MICAL1: variants seen among roughly 807,000 people sequenced by gnomAD.
MICAL1 encodes [F-actin]-monooxygenase MICAL1.
In MICAL1, 95 loss-of-function variants were observed where a neutral mutation model predicts 131.8. That is an observed-to-expected ratio of 0.72 (90% confidence interval 0.61 to 0.86). MICAL1 has a LOEUF of 0.86. Among genes scored for constraint, MICAL1 ranks in the 40% least tolerant of loss-of-function variants. The probability of loss-of-function intolerance (pLI) is 0.00; values close to 1 mark genes in which losing one functional copy is unlikely to be tolerated. For missense variants in MICAL1, 1,292 were observed against 1,380.6 expected, an observed-to-expected ratio of 0.94 and a Z score of 1.02; for synonymous variants, 546 against 554.2, an observed-to-expected ratio of 0.99 and a Z score of 0.21.
Position 109,452,552 on chromosome 6 carries a change from T to A in MICAL1, c.635A>T (p.Asp212Val). The A allele has an allele frequency of 6.2e-7, 1 of 1,613,590 alleles. No individual in the cohort carries two copies. Among genetic ancestry groups the A allele is most frequent in the Non-Finnish European group, 8.5e-7 (1 of 1,179,922 alleles). The change falls in exon 5 of 25, where the codon GAC (aspartate) becomes GTC (valine). Residue 212 changes from aspartate to valine, a missense_variant. Coordinates refer to ENST00000358807, the MANE Select transcript of MICAL1 (RefSeq NM_022765.4). ...PPAQLANYEF[D>V]VLISAAGGKF... Reference sequence around the variant, plus strand: ...ACCTCCTGCAGCCGAGATAAGGACGTCAAATTCATAGTTGGCCAGCTGGGC... The same window carrying A: ...ACCTCCTGCAGCCGAGATAAGGACGACAAATTCATAGTTGGCCAGCTGGGC...
chr6:109,448,696 G>C (rs372148556), intron 12 of MICAL1, 36 bp downstream of exon 12: 2 of 1,612,406 alleles, frequency 1.2e-6, no homozygotes, highest in African/African-American at 1.3e-5. Flanking sequence ...CCTACACTGA[G>C]ATCATGAGAG....
intron 17 of MICAL1, 58 bp from the exon 18 acceptor site, chr6:109,446,830 C>T (rs376444438): frequency 2.9e-5 from 43 of 1,498,284 alleles, no homozygotes; most frequent in East Asian, 1.1e-4. Context: ...TGCCCAGACA[C>T]GCAACAGTTT....
At chr6:109,453,546 C>G in intron 3 of MICAL1, 92 bp downstream of exon 3, 1 of 1,518,112 alleles carries the variant, frequency 6.6e-7, no homozygotes, top group Admixed American at 2.0e-5. Context: ...GGATCTTGTC[C>G]ACTTCGACAT....
upstream of MICAL1, chr6:109,456,096 G>A: frequency 1.1e-6 from 1 of 889,688 alleles, no homozygotes; most frequent in Non-Finnish European, 1.3e-6. Context: ...GGAGCTCGAG[G>A]GTCAGGGCGC....
rs368929295 is a variant in MICAL1, at chr6:109,448,840, T to C, written c.1556A>G (p.Gln519Arg). 1 of 1,613,984 alleles carries C rather than the reference T, an allele frequency of 6.2e-7. No individual in the cohort carries two copies. The highest frequency in any genetic ancestry group is 1.3e-5 in the African/African-American group (1 of 75,032). The change falls in exon 12 of 25, where the codon CAG becomes CGG. Residue 519 changes from glutamine to arginine, a missense_variant. Transcript: ENST00000358807. ...GTQEELLRWC[Q>R]EQTAGYPGVH... ...TCCCGGGTACCCAGCTGTCTGCTCC[T>C]GGCACCAGCGTAGCAGCTCCTCCTG... is the stretch of plus-strand genomic sequence containing the variant.
chr6:109,447,556 C>T (rs986158474), intron 15 of MICAL1, 116 bp from the exon 16 acceptor site: 1 of 1,519,178 alleles, frequency 6.6e-7, no homozygotes, highest in South Asian at 1.1e-5. Context: ...GGCAGGGAGG[C>T]TGGATGGGGG....
chr6:109,457,953 G>A (rs1162815264), upstream of MICAL1, among the ~76,000 whole-genome samples: 1 of 152,156 alleles, frequency 6.6e-6, no homozygotes, highest in African/African-American at 2.4e-5. Context: ...AGCCTAGTGT[G>A]ACCTTGGATG....
chr6:109,449,826 C>T (rs2115333005), intron 9 of MICAL1, 43 bp from the exon 10 acceptor site: 2 of 1,587,206 alleles, frequency 1.3e-6, no homozygotes, highest in South Asian at 2.3e-5. Flanking sequence ...AATGGGAGGG[C>T]ACCTGTCAGC....
intron 1 of MICAL1, among the ~76,000 whole-genome samples, chr6:109,462,250 C>T (rs1246274360): frequency 6.6e-6 from 1 of 152,192 alleles, no homozygotes; most frequent in Non-Finnish European, 1.5e-5. Flanking sequence ...AGGGAGGCCT[C>T]AGAAGAAACC....
chr6:109,450,584 A>G (rs1775499247), intron 7 of MICAL1, 27 bp from the exon 8 acceptor site: 1 of 1,582,776 alleles, frequency 6.3e-7, no homozygotes, highest in South Asian at 1.1e-5. Flanking sequence ...GCAGAACCTC[A>G]GAGACCTCTG....
Position 109,447,939 on chromosome 6 carries a change from C to T in MICAL1, c.1880G>A (p.Gly627Glu). The T allele has an allele frequency of 6.2e-7, 1 of 1,611,780 alleles. No individual in the cohort carries two copies. The change falls in exon 14 of 25, where the codon GGG (glycine) becomes GAG (glutamate). Residue 627 changes from glycine to glutamate, a missense_variant. Transcript: ENST00000358807. The stretch of plus-strand genomic sequence containing the variant: ...AAGGAATAATACAGCACTGGAGGTC[C>T]CTGGGGAGGCCTGGCTGACAGGGCC... ...SPGPVSQASP[G>E]TSSAVLFLSK...
chr6:109,454,245 G>A lies in MICAL1; in HGVS notation c.-43-6C>T. 2.6e-6 allele frequency: 4 copies of A among 1,549,202 alleles called. No homozygotes were observed. Among genetic ancestry groups the A allele is most frequent in the Non-Finnish European group, 3.5e-6 (4 of 1,147,182 alleles). On this transcript the variant is annotated splice_region_variant and splice_polypyrimidine_tract_variant and intron_variant, in intron 1 of 24. Coordinates refer to ENST00000358807, the MANE Select transcript of MICAL1 (RefSeq NM_022765.4). ...AGCTGGGCAGAGATGAGTGGCTGGAGAGGTGGAAAAAGAAGGGGAAGAGGC... is the reference window on the plus strand; with the variant it reads ...AGCTGGGCAGAGATGAGTGGCTGGAAAGGTGGAAAAAGAAGGGGAAGAGGC...
intron 19 of MICAL1, 83 bp downstream of exon 19, chr6:109,446,053 G>A: frequency 6.7e-7 from 1 of 1,493,732 alleles, no homozygotes; most frequent in Non-Finnish European, 8.9e-7. Context: ...ACTTCCCTCT[G>A]TATTCCCCAG....
Position 109,448,692 on chromosome 6 carries a change from C to T in MICAL1, c.1664+40G>A, listed in dbSNP as rs570915163. The T allele has an allele frequency of 1.6e-5, 26 of 1,611,700 alleles. 1 individual carries two copies. In the South Asian group the frequency reaches 2.4e-4, roughly 15 times the overall value. On this transcript the variant is annotated intron_variant, in intron 12 of 24. Transcript: ENST00000358807. ...TCAACTGGATATGCTAACTCCTACA[C>T]TGAGATCATGAGAGAGAGGTGGGTC...
chr6:109,447,096 C>T lies in MICAL1; in HGVS notation c.2204G>A (p.Gly735Asp). The T allele has an allele frequency of 2.5e-6, 4 of 1,614,118 alleles. No individual in the cohort carries two copies. The highest frequency in any genetic ancestry group is 3.4e-6 in the Non-Finnish European group (4 of 1,180,016). Residue 735 changes from glycine (G) to aspartate (D), a missense_variant, in exon 17 of 25, where the codon GGC (glycine) becomes GAC (aspartate). By Grantham distance (94) the Gly-to-Asp change is moderately conservative. Coordinates refer to ENST00000358807, the MANE Select transcript of MICAL1 (RefSeq NM_022765.4). ...ACCATCTCCTGGGTGCTGCTCGTAG[C>T]CACCTGGCCACAGTGTGGCCTCACA... ...HTCEATLWPG[G>D]YEQHPGDGHF...
rs1308339277 is a variant in MICAL1 at position 109,445,805 on chromosome 6, T to C, written c.2639A>G (p.Glu880Gly). The C allele has an allele frequency of 6.2e-7, 1 of 1,611,770 alleles. No individual in the cohort carries two copies. Among genetic ancestry groups the C allele is most frequent in the African/African-American group, 1.3e-5 (1 of 75,006 alleles). ...KESPFSSEEE[E>G]EDVPLDSDVE... ...ATCTGAGTCCAAAGGCACATCTTCTTCTTCCTCTTCACTGGAGAAGGGACT... is the reference window on the plus strand; with the variant it reads ...ATCTGAGTCCAAAGGCACATCTTCTCCTTCCTCTTCACTGGAGAAGGGACT... The change falls in exon 20 of 25, where the codon GAA becomes GGA. Residue 880 changes from glutamate (E) to glycine (G), a missense_variant. Coordinates refer to ENST00000358807, the MANE Select transcript of MICAL1 (RefSeq NM_022765.4).
At position 109,449,678 on chromosome 6, in the gene MICAL1, G is replaced by A. The variant is rs1255830331; in HGVS notation, c.1413C>T (p.Leu471=). The A allele has an allele frequency of 6.3e-7, 1 of 1,583,728 alleles. No individual in the cohort carries two copies. Among genetic ancestry groups the A allele is most frequent in the Non-Finnish European group, 8.6e-7 (1 of 1,165,378 alleles). Residue 471 remains leucine, a synonymous_variant, in exon 10 of 25, where the codon CTC becomes CTT. Transcript: ENST00000358807. ...DPATRYPNLN[L]RAVTPNQVRD... ...TGACCTGATTGGGGGTCACTGCCCG[G>A]AGGTTCAGGTTGGGGTAGCGGGTGG...
At chr6:109,444,687 C>T (rs372944982) in intron 24 of MICAL1, 38 bp downstream of exon 24, 40 of 1,609,596 alleles carry the variant, frequency 2.5e-5, no homozygotes, top group Non-Finnish European at 3.2e-5. Flanking sequence ...CATGACACAT[C>T]CCTGGGATGT....
At position 109,448,746 on chromosome 6, in the gene MICAL1, C is replaced by G; in HGVS notation, c.1650G>C (p.Leu550=). 1 of 1,614,074 alleles carries G rather than the reference C, an allele frequency of 6.2e-7. No individual in the cohort carries two copies. Among genetic ancestry groups the G allele is most frequent in the Non-Finnish European group, 8.5e-7 (1 of 1,179,966 alleles). The change falls in exon 12 of 25, where the codon CTG becomes CTC. Residue 550 remains leucine, a synonymous_variant. Coordinates refer to ENST00000358807, the MANE Select transcript of MICAL1 (RefSeq NM_022765.4). Reference sequence around the variant, plus strand: ...CAGGGACTCACAGCAGGCCAGGCTGCAGCCGGTACACCAGGGCACACAGAG... The same window carrying G: ...CAGGGACTCACAGCAGGCCAGGCTGGAGCCGGTACACCAGGGCACACAGAG... ...GLALCALVYR[L]QPGLLEPSEL...
Sources: allele counts gnomAD v4.1 joint callset (sites outside exome capture counted in the v4.1 genomes callset), GRCh38; gene constraint gnomAD v4.1.1; transcripts MANE v1.5; gene names NCBI Gene and HGNC (gene_info 2026-07-23, HGNC 2026-07-21).